B4GALT6: variants seen among roughly 807,000 people sequenced by gnomAD.
The protein encoded by B4GALT6 is UDP-Gal:beta-GlcNAc beta-1,4-galactosyltransferase 6.
A neutral mutation model predicts 46.3 loss-of-function variants in B4GALT6; 14 were observed. The observed-to-expected ratio is 0.30, with a 90% CI of 0.20 to 0.47. The LOEUF is 0.47. Among genes scored for constraint, B4GALT6 ranks in the 20% least tolerant of loss-of-function variants. The pLI, the probability that B4GALT6 is intolerant of heterozygous loss-of-function variation, is 0.99. For synonymous variants in B4GALT6, 168 were observed against 162.0 expected (o/e 1.04, Z -0.28); for missense variants, 386 against 480.1 (o/e 0.80, Z 1.83).
chr18:31,706,728 A>G, the B4GALT6 span, among the ~76,000 whole-genome samples: 8 of 152,228 alleles, frequency 5.3e-5, no homozygotes, highest in African/African-American at 1.9e-4. Flanking sequence ...AAAATGTAAC[A>G]TTAATAACCA....
At chr18:31,659,913 A>AGTGTAAG (rs2074191383) in intron 2 of B4GALT6, among the ~76,000 whole-genome samples, 1 of 151,806 alleles carries the variant, frequency 6.6e-6, no homozygotes, top group African/African-American at 2.4e-5. Flanking sequence ...AGCAAAAGCA[A>AGTGTAAG]GTGTAAGGAA....
intron 1 of B4GALT6, among the ~76,000 whole-genome samples, chr18:31,674,208 A>AAC (rs1317028182): frequency 6.6e-6 from 1 of 152,210 alleles, no homozygotes; most frequent in African/African-American, 2.4e-5. Flanking sequence ...AAGATGAGAA[A>AAC]ACAAACTCAA....
intron 3 of B4GALT6, among the ~76,000 whole-genome samples, chr18:31,657,167 C>T (rs2074150427): frequency 6.6e-6 from 1 of 152,024 alleles, no homozygotes; most frequent in African/African-American, 2.4e-5. Context: ...CATGCATATA[C>T]GCACAGGAAA....
In B4GALT6 at chr18:31,684,170, C is replaced by A. The variant is rs1327759217; in HGVS notation, c.115+142G>T. 4.4e-6 allele frequency: 6 copies of A among 1,355,528 alleles called. No homozygotes were observed. The East Asian group carries it at 1.6e-4, about 35-fold the overall frequency. The allele number at this position is 1,355,528 out of a possible 1,614,324, so 84.0% of individuals were successfully genotyped here. The stretch of plus-strand genomic sequence containing the variant: ...AGCCATGCCCTGAAGCAGTTTGACA[C>A]GTCTGAAATAACATTTAAAACAAAA... On this transcript the variant is annotated intron_variant, in intron 1 of 8. Transcript: ENST00000306851.
intron 6 of B4GALT6, among the ~76,000 whole-genome samples, chr18:31,629,805 G>T (rs1480118785): frequency 7.0e-6 from 1 of 143,144 alleles, no homozygotes; most frequent in Admixed American, 7.1e-5. Context: ...AGCCGAGATC[G>T]CACCACTGCA....
In B4GALT6 at chr18:31,657,962, A is replaced by G; in HGVS notation, c.346+14T>C. 1 of 1,585,234 alleles carries G rather than the reference A, an allele frequency of 6.3e-7. No individual in the cohort carries two copies. Among genetic ancestry groups the G allele is most frequent in the East Asian group, 2.2e-5 (1 of 44,722 alleles). Reference sequence around the variant, plus strand: ...ACAAGTAAACAGTTAAGTCAAAATTAGATGACGACTTACGCATATAAGGCA... The same window carrying G: ...ACAAGTAAACAGTTAAGTCAAAATTGGATGACGACTTACGCATATAAGGCA... On this transcript the variant is annotated intron_variant, in intron 3 of 8. Coordinates refer to ENST00000306851, the MANE Select transcript of B4GALT6 (RefSeq NM_004775.5).
chr18:31,697,785 G>T, the B4GALT6 span, among the ~76,000 whole-genome samples: 1 of 152,156 alleles, frequency 6.6e-6, no homozygotes, highest in African/African-American at 2.4e-5. Context: ...AGAAATGTAG[G>T]TTGATGGGTT....
rs2144453202 is a variant in B4GALT6 at position 31,624,016 on chromosome 18, G to A, written c.*1598C>T. On this transcript the variant is annotated 3_prime_UTR_variant, in exon 9 of 9. Transcript: ENST00000306851. ...TGTTTAAAATTTGTGAAAATATCAA[G>A]ATATTTTAAACAATCTTTATAATTG... The A allele has an allele frequency of 6.6e-6, 1 of 151,974 alleles. No individual in the cohort carries two copies. Among genetic ancestry groups the A allele is most frequent in the African/African-American group, 2.4e-5 (1 of 41,504 alleles). 9.4% of individuals were successfully genotyped at this position (151,974 alleles called of 1,614,324 possible).
At chr18:31,700,892 C>T in the B4GALT6 span, among the ~76,000 whole-genome samples, 1 of 152,074 alleles carries the variant, frequency 6.6e-6, no homozygotes, top group Non-Finnish European at 1.5e-5. Flanking sequence ...GCAATCAATC[C>T]ACATTGATAT....
chr18:31,717,946 C>G, the B4GALT6 span, among the ~76,000 whole-genome samples: 1 of 132,392 alleles, frequency 7.6e-6, no homozygotes, highest in Non-Finnish European at 1.6e-5. Flanking sequence ...AAGAGCGAAA[C>G]TCCGTCTCAA....
the B4GALT6 span, among the ~76,000 whole-genome samples, chr18:31,718,296 G>A: frequency 2.0e-5 from 3 of 152,200 alleles, no homozygotes; most frequent in African/African-American, 7.2e-5. Context: ...GGATGCTGCT[G>A]AACATCTTAC....
chr18:31,710,018 C>T, the B4GALT6 span, among the ~76,000 whole-genome samples: 1 of 151,414 alleles, frequency 6.6e-6, no homozygotes, highest in Non-Finnish European at 1.5e-5. Flanking sequence ...TTGCTTGAAC[C>T]CGGGAGGCAG....
At chr18:31,649,997 A>G (rs2074045117) in intron 3 of B4GALT6, among the ~76,000 whole-genome samples, 1 of 152,238 alleles carries the variant, frequency 6.6e-6, no homozygotes, top group South Asian at 2.1e-4. Flanking sequence ...GTGAATTCAC[A>G]GTGACACCCA....
the B4GALT6 span, among the ~76,000 whole-genome samples, chr18:31,712,287 A>ATTTTTTTTT: frequency 2.1e-3 from 178 of 84,614 alleles, 10 homozygotes; most frequent in Non-Finnish European, 2.9e-3. Context: ...CTGGGACGTT[A>ATTTTTTTTT]TTTTTTTTTT....
At chr18:31,698,332 G>A in the B4GALT6 span, among the ~76,000 whole-genome samples, 3 of 152,132 alleles carry the variant, frequency 2.0e-5, no homozygotes. Flanking sequence ...CAGGCTCAAA[G>A]AACACAACAT....
upstream of B4GALT6, chr18:31,684,639 C>T: frequency 8.1e-6 from 8 of 983,854 alleles, no homozygotes; most frequent in Non-Finnish European, 9.6e-6. Flanking sequence ...GGAGGGGAGG[C>T]GCGGAGGCCG....
chr18:31,645,778 T>A (rs2073984367), intron 3 of B4GALT6, among the ~76,000 whole-genome samples: 1 of 152,246 alleles, frequency 6.6e-6, no homozygotes, highest in African/African-American at 2.4e-5. Context: ...AATGTTTGCA[T>A]GTCATTATAA....
chr18:31,684,631 A>T, upstream of B4GALT6: 2 of 908,534 alleles, frequency 2.2e-6, no homozygotes, highest in Non-Finnish European at 1.3e-6. Flanking sequence ...GAGTCGGGGG[A>T]GGGGAGGCGC....
chr18:31,636,977 T>C (rs1431591931), intron 5 of B4GALT6, among the ~76,000 whole-genome samples: 1 of 152,140 alleles, frequency 6.6e-6, no homozygotes, highest in African/African-American at 2.4e-5. Flanking sequence ...CCTGCCACCA[T>C]GCCCGGCTAA....
Sources: allele counts gnomAD v4.1 joint callset (sites outside exome capture counted in the v4.1 genomes callset), GRCh38; gene constraint gnomAD v4.1.1; transcripts MANE v1.5; gene names NCBI Gene and HGNC (gene_info 2026-07-23, HGNC 2026-07-21).